Variants in MPPED2 observed in about 807,000 individuals in gnomAD.
The protein encoded by MPPED2 is metallophosphoesterase domain containing 2, also known as metallophosphoesterase MPPED2.
MPPED2 carries 5 observed loss-of-function variants against 33.0 expected under a neutral mutation model. The ratio of observed to expected loss-of-function variants is 0.15; its 90% CI spans 0.08 to 0.32. The LOEUF is 0.32. MPPED2 is among the 10% of genes least tolerant of loss of function. MPPED2 has a pLI of 1.00. For missense variants in MPPED2, 275 were observed against 372.1 expected, an observed-to-expected ratio of 0.74 and a Z score of 2.15; for synonymous variants, 136 against 141.9, an observed-to-expected ratio of 0.96 and a Z score of 0.29.
At chr11:30,486,237 A>G (rs1000928549) in intron 4 of MPPED2, among the ~76,000 whole-genome samples, 3 of 152,158 alleles carry the variant, frequency 2.0e-5, no homozygotes, top group Non-Finnish European at 2.9e-5. Context: ...ACAGGTTAAG[A>G]CTGTCAATGG....
At chr11:30,444,357 A>C (rs1473836744) in intron 4 of MPPED2, among the ~76,000 whole-genome samples, 12 of 152,220 alleles carry the variant, frequency 7.9e-5, no homozygotes, top group African/African-American at 2.9e-4. Flanking sequence ...AAACACATCA[A>C]AAGCACTTAC....
At chr11:30,531,744 C>T (rs1461817523) in intron 3 of MPPED2, among the ~76,000 whole-genome samples, 2 of 152,224 alleles carry the variant, frequency 1.3e-5, no homozygotes, top group African/African-American at 4.8e-5. Flanking sequence ...GGGGAGAATA[C>T]TTCCCTACCT....
intron 2 of MPPED2, among the ~76,000 whole-genome samples, chr11:30,570,486 T>A (rs1447809752): frequency 6.6e-6 from 1 of 152,088 alleles, no homozygotes; most frequent in Non-Finnish European, 1.5e-5. Context: ...AAATAAAAGG[T>A]GCTAAGAGCA....
intron 4 of MPPED2, among the ~76,000 whole-genome samples, chr11:30,478,341 T>C (rs2134103956): frequency 6.6e-6 from 1 of 152,194 alleles, no homozygotes; most frequent in East Asian, 1.9e-4. Flanking sequence ...GTGTGTATTA[T>C]AAGAAGCATC....
At chr11:30,404,110 G>A (rs1947953317) in intron 6 of MPPED2, among the ~76,000 whole-genome samples, 1 of 152,194 alleles carries the variant, frequency 6.6e-6, no homozygotes, top group South Asian at 2.1e-4. Flanking sequence ...CCACCATGGA[G>A]ACCTGGCCTA....
At chr11:30,507,228 C>T (rs2134280004) in intron 3 of MPPED2, among the ~76,000 whole-genome samples, 1 of 152,306 alleles carries the variant, frequency 6.6e-6, no homozygotes, top group African/African-American at 2.4e-5. Context: ...TTACTGCAAA[C>T]AAACTCCATT....
intron 2 of MPPED2, among the ~76,000 whole-genome samples, chr11:30,554,469 T>C (rs975988343): frequency 3.3e-5 from 5 of 152,172 alleles, no homozygotes; most frequent in Non-Finnish European, 7.3e-5. Context: ...CCATTAGATG[T>C]TTGCCACTTG....
intron 4 of MPPED2, among the ~76,000 whole-genome samples, chr11:30,460,817 C>T (rs1198852694): frequency 1.3e-5 from 2 of 152,134 alleles, no homozygotes; most frequent in Non-Finnish European, 2.9e-5. Context: ...AGTGGTATGA[C>T]AATCCCTAAA....
intron 3 of MPPED2, among the ~76,000 whole-genome samples, chr11:30,511,710 C>T (rs150854631): frequency 4.1e-4 from 62 of 152,290 alleles, no homozygotes; most frequent in African/African-American, 1.2e-3. Context: ...TTCATTAGAA[C>T]GCTCAGTGCA....
intron 4 of MPPED2, among the ~76,000 whole-genome samples, chr11:30,446,796 C>T (rs1427607897): frequency 6.6e-6 from 1 of 152,122 alleles, no homozygotes; most frequent in Non-Finnish European, 1.5e-5. Context: ...TTTGCCAAGA[C>T]TGTCGGAGCC....
At chr11:30,412,618 A>C (rs910881833) in intron 6 of MPPED2, among the ~76,000 whole-genome samples, 3 of 152,184 alleles carry the variant, frequency 2.0e-5, no homozygotes, top group Non-Finnish European at 4.4e-5. Context: ...AAAAGAAAAG[A>C]GGCATTTAAA....
At chr11:30,472,212 C>T (rs1950979553) in intron 4 of MPPED2, among the ~76,000 whole-genome samples, 1 of 152,070 alleles carries the variant, frequency 6.6e-6, no homozygotes, top group African/African-American at 2.4e-5. Flanking sequence ...AACTAAAAAA[C>T]CAGCCAGAGG....
chr11:30,400,193 T>TTGG (rs2133707002), intron 6 of MPPED2, among the ~76,000 whole-genome samples: 2 of 152,252 alleles, frequency 1.3e-5, no homozygotes, highest in African/African-American at 4.8e-5. Context: ...CTAATCAGCC[T>TTGG]CCTGAGTAGC....
chr11:30,411,517 G>C lies in MPPED2; in HGVS notation c.836C>G (p.Pro279Arg). ...GTCAAATATAATTGGAGGGTTGGTC[G>C]GTTGAAAGCTGACTGTACACGTCGA... ...NASTCTVSFQ[P>R]TNPPIIFDLP... is the part of the protein sequence containing the mutation. The change falls in exon 7 of 7, where the codon CCG becomes CGG. Residue 279 changes from proline (P) to arginine (R), a missense_variant. Pro to Arg is a moderately radical substitution (Grantham distance 103). Transcript: ENST00000358117. The C allele has an allele frequency of 6.2e-7, 1 of 1,613,904 alleles. No individual in the cohort carries two copies. Among genetic ancestry groups the C allele is most frequent in the Non-Finnish European group, 8.5e-7 (1 of 1,179,836 alleles).
At chr11:30,450,171 A>G (rs1289478033) in intron 4 of MPPED2, among the ~76,000 whole-genome samples, 1 of 152,184 alleles carries the variant, frequency 6.6e-6, no homozygotes, top group Admixed American at 6.5e-5. Flanking sequence ...TTATTCCCCT[A>G]CAATATGAAC....
intron 4 of MPPED2, among the ~76,000 whole-genome samples, chr11:30,492,539 A>G (rs1486331149): frequency 6.6e-6 from 1 of 152,174 alleles, no homozygotes; most frequent in Non-Finnish European, 1.5e-5. Context: ...TACTGACATT[A>G]AGAACTGGGC....
chr11:30,559,030 G>A (rs1956121997), intron 2 of MPPED2, among the ~76,000 whole-genome samples: 1 of 152,028 alleles, frequency 6.6e-6, no homozygotes, highest in Admixed American at 6.6e-5. Flanking sequence ...TTTAAAGCTA[G>A]ACCAAAGAAA....
At chr11:30,399,874 CT>C (rs796525029) in intron 6 of MPPED2, among the ~76,000 whole-genome samples, 3 of 152,066 alleles carry the variant, frequency 2.0e-5, no homozygotes, top group Non-Finnish European at 4.4e-5. Context: ...TCCATATATA[CT>C]TTTTAAAAAA....
rs546851215 is a variant in MPPED2, at chr11:30,537,948, C to T, written c.129-1773G>A. On this transcript the variant is annotated intron_variant, in intron 2 of 6. Coordinates refer to ENST00000358117, the MANE Select transcript of MPPED2 (RefSeq NM_001584.3). Reference sequence around the variant, plus strand: ...ACTGAGACTTGGTTACACTCAGTCTCGGTGCTTACAATCTTAGCAACATTT... The same window carrying T: ...ACTGAGACTTGGTTACACTCAGTCTTGGTGCTTACAATCTTAGCAACATTT... Among the ~76,000 whole-genome samples, 9 of 152,138 alleles carry T rather than the reference C, an allele frequency of 5.9e-5. No homozygotes were observed. The South Asian group carries it at 1.0e-3, about 18-fold the overall frequency.
Sources: gnomAD v4.1 joint callset for allele counts (sites outside exome capture counted in the v4.1 genomes callset) on GRCh38, gnomAD v4.1.1 for gene constraint, MANE v1.5 for transcripts, NCBI Gene and HGNC (gene_info 2026-07-23, HGNC 2026-07-21) for gene names.